CNTNAP2: variants seen among roughly 807,000 people sequenced by gnomAD.
The protein encoded by CNTNAP2 is contactin associated protein 2, also known as contactin-associated protein-like 2.
A neutral mutation model predicts 155.2 loss-of-function variants in CNTNAP2; 98 were observed. That is an observed-to-expected ratio of 0.63 (90% CI 0.54 to 0.75). The LOEUF is 0.75. Ranked by LOEUF, CNTNAP2 falls within the 30% of genes least tolerant of loss-of-function variation. The pLI, the probability that CNTNAP2 is intolerant of heterozygous loss-of-function variation, is 0.00. For synonymous variants in CNTNAP2, 651 were observed against 631.2 expected (o/e 1.03, Z -0.47); for missense variants, 1,727 against 1,688.1 (o/e 1.02, Z -0.40).
chr7:147,468,266 A>G (rs989601973), intron 10 of CNTNAP2, among the ~76,000 whole-genome samples: 1 of 152,192 alleles, frequency 6.6e-6, no homozygotes, highest in Non-Finnish European at 1.5e-5. Context: ...CCAGTCTGAG[A>G]AAGACCCTGT....
chr7:146,119,476 T>A (rs1199547605), intron 1 of CNTNAP2, among the ~76,000 whole-genome samples: 1 of 152,158 alleles, frequency 6.6e-6, no homozygotes, highest in Non-Finnish European at 1.5e-5. Flanking sequence ...TAATCTAATT[T>A]CTTTGCAGAT....
At chr7:146,198,970 CTG>C (rs1388861083) in intron 1 of CNTNAP2, among the ~76,000 whole-genome samples, 5 of 152,138 alleles carry the variant, frequency 3.3e-5, no homozygotes, top group Non-Finnish European at 5.9e-5. Flanking sequence ...AATCTCTACT[CTG>C]TATTCATTTA....
chr7:146,369,647 A>T (rs1445296718), intron 1 of CNTNAP2, among the ~76,000 whole-genome samples: 1 of 152,142 alleles, frequency 6.6e-6, no homozygotes, highest in Non-Finnish European at 1.5e-5. Context: ...TTACCTTCAC[A>T]TATGTATAGT....
intron 13 of CNTNAP2, among the ~76,000 whole-genome samples, chr7:147,842,593 T>C (rs1407759589): frequency 2.9e-5 from 4 of 137,826 alleles, no homozygotes; most frequent in Admixed American, 8.4e-5. Flanking sequence ...TTTTCTTTTT[T>C]TTTTTTTTTT....
intron 12 of CNTNAP2, among the ~76,000 whole-genome samples, chr7:147,588,943 T>C (rs1800686764): frequency 6.6e-6 from 1 of 152,202 alleles, no homozygotes; most frequent in Non-Finnish European, 1.5e-5. Context: ...AAAGTGCTGC[T>C]CTGCATTATA....
At chr7:146,913,170 G>A (rs549560841) in intron 3 of CNTNAP2, among the ~76,000 whole-genome samples, 6 of 152,262 alleles carry the variant, frequency 3.9e-5, no homozygotes, top group South Asian at 4.1e-4. Flanking sequence ...AATGAGCAGC[G>A]GGTCTTTTCA....
intron 4 of CNTNAP2, among the ~76,000 whole-genome samples, chr7:147,044,930 T>C (rs1245675349): frequency 6.6e-6 from 1 of 152,146 alleles, no homozygotes; most frequent in African/African-American, 2.4e-5. Context: ...ATATCTTTGC[T>C]TATTTGCTTC....
chr7:147,065,007 T>C (rs1465065980), intron 4 of CNTNAP2, among the ~76,000 whole-genome samples: 1 of 152,158 alleles, frequency 6.6e-6, no homozygotes, highest in Non-Finnish European at 1.5e-5. Flanking sequence ...GTAAATCTGT[T>C]CTATACATGT....
At chr7:146,710,855 C>T (rs1205741774) in intron 1 of CNTNAP2, among the ~76,000 whole-genome samples, 1 of 151,420 alleles carries the variant, frequency 6.6e-6, no homozygotes, top group Non-Finnish European at 1.5e-5. Context: ...GGCTAGTACT[C>T]CTCACTCATA....
chr7:146,652,364 G>T (rs1048643648), intron 1 of CNTNAP2, among the ~76,000 whole-genome samples: 2 of 152,028 alleles, frequency 1.3e-5, no homozygotes, highest in African/African-American at 4.8e-5. Flanking sequence ...ATCTCACTGT[G>T]GGCTACTTCT....
At chr7:146,711,023 T>C (rs1417875911) in intron 1 of CNTNAP2, among the ~76,000 whole-genome samples, 1 of 151,850 alleles carries the variant, frequency 6.6e-6, no homozygotes, top group African/African-American at 2.4e-5. Context: ...ACCTCCTTGC[T>C]CAACCTCTTG....
chr7:148,325,800 G>T (rs111429127), intron 21 of CNTNAP2, among the ~76,000 whole-genome samples: 2,968 of 152,158 alleles, frequency 0.02, 99 homozygotes, highest in African/African-American at 0.067. Context: ...GTTATTTTCA[G>T]GCATCTACCC....
At chr7:147,733,660 G>A (rs1796785601) in intron 13 of CNTNAP2, among the ~76,000 whole-genome samples, 3 of 152,170 alleles carry the variant, frequency 2.0e-5, no homozygotes, top group Admixed American at 2.0e-4. Context: ...AGCATGGAAT[G>A]TTCTTCCATT....
At chr7:147,044,544 C>T (rs566063461) in intron 4 of CNTNAP2, among the ~76,000 whole-genome samples, 38 of 152,226 alleles carry the variant, frequency 2.5e-4, no homozygotes, top group African/African-American at 9.1e-4. Context: ...AAGTCAATGA[C>T]GCTTTCTCTA....
chr7:146,521,109 A>G (rs73464792), intron 1 of CNTNAP2, among the ~76,000 whole-genome samples: 3,509 of 152,034 alleles, frequency 0.023, 137 homozygotes, highest in African/African-American at 0.081. Flanking sequence ...CTCTTACCCA[A>G]TGATTACTTC....
chr7:146,586,644 TTAAC>T (rs1798696815), intron 1 of CNTNAP2, among the ~76,000 whole-genome samples: 1 of 152,094 alleles, frequency 6.6e-6, no homozygotes, highest in Non-Finnish European at 1.5e-5. Context: ...CACATATGTA[TTAAC>T]TAACACACAC....
At chr7:146,588,052 A>G (rs1348596832) in intron 1 of CNTNAP2, among the ~76,000 whole-genome samples, 4 of 151,872 alleles carry the variant, frequency 2.6e-5, no homozygotes, top group African/African-American at 9.7e-5. Context: ...ATGGTATTAG[A>G]AAATAGATGC....
intron 1 of CNTNAP2, among the ~76,000 whole-genome samples, chr7:146,267,042 A>G (rs1191342367): frequency 5.3e-5 from 8 of 152,136 alleles, no homozygotes. Context: ...AAACCTGTGT[A>G]GTTGTAAAAA....
At chr7:146,746,240 A>G (rs894734510) in intron 1 of CNTNAP2, among the ~76,000 whole-genome samples, 2 of 152,240 alleles carry the variant, frequency 1.3e-5, no homozygotes, top group Non-Finnish European at 2.9e-5. Flanking sequence ...TTAACTTCTT[A>G]AAAGACGTTA....
Sources: allele counts gnomAD v4.1 joint callset (sites outside exome capture counted in the v4.1 genomes callset), GRCh38; gene constraint gnomAD v4.1.1; transcripts MANE v1.5; gene names NCBI Gene and HGNC (gene_info 2026-07-23, HGNC 2026-07-21).